Variants in CAMTA1 observed in about 807,000 individuals in gnomAD.
CAMTA1 encodes calmodulin-binding transcription activator 1.
A neutral mutation model predicts 170.9 loss-of-function variants in CAMTA1; 27 were observed. The ratio of observed to expected loss-of-function variants is 0.16; its 90% CI spans 0.12 to 0.22. The LOEUF (loss-of-function observed/expected upper bound fraction) is 0.22. Ranked by LOEUF, CAMTA1 falls within the 10% of genes least tolerant of loss-of-function variation. The probability of loss-of-function intolerance (pLI) is 1.00; values close to 1 mark genes in which losing one functional copy is unlikely to be tolerated. For missense variants in CAMTA1, 1,619 were observed against 2,217.2 expected (o/e 0.73, Z 5.42); for synonymous variants, 833 against 891.5 (o/e 0.93, Z 1.17).
Position 7,534,152 on chromosome 1 carries a change from A to G in CAMTA1, c.510+66251A>G, listed in dbSNP as rs1038910671. Among the ~76,000 whole-genome samples, 1 of 152,190 alleles carries G rather than the reference A, an allele frequency of 6.6e-6. No homozygotes were observed. The highest frequency in any genetic ancestry group is 1.5e-5 in the Non-Finnish European group (1 of 68,024). ...GCCCCTGGCAGCCTCATATCTGCCAATACAAAGCCATACATCTTGGTGTGT... is the reference window on the plus strand; with the variant it reads ...GCCCCTGGCAGCCTCATATCTGCCAGTACAAAGCCATACATCTTGGTGTGT... On this transcript the variant is annotated intron_variant, in intron 6 of 22. Coordinates refer to ENST00000303635, the MANE Select transcript of CAMTA1 (RefSeq NM_015215.4). The surrounding 1 kb of genome is among the most constrained non-coding windows in gnomAD (Gnocchi z 5.6).
chr1:7,185,768 A>G (rs1653127495), intron 4 of CAMTA1, among the ~76,000 whole-genome samples: 1 of 152,230 alleles, frequency 6.6e-6, no homozygotes, highest in East Asian at 1.9e-4. Flanking sequence ...CCTAATTATG[A>G]GGAAACATTT....
chr1:7,732,574 G>A lies in CAMTA1; in HGVS notation c.3041G>A (p.Ser1014Asn), dbSNP rs1284871591. The change falls in exon 12 of 23, where the codon AGC (serine) becomes AAC (asparagine). Residue 1014 changes from serine to asparagine, a missense_variant. This residue lies in a region of CAMTA1 where 143 missense variants were observed against 184.2 expected (regional missense o/e 0.78). Coordinates refer to ENST00000303635, the MANE Select transcript of CAMTA1 (RefSeq NM_015215.4). The surrounding 1 kb of genome is among the most constrained non-coding windows in gnomAD (Gnocchi z 4.1). ...GGCAGCAGTGGAGGCGGCAGCGGGA[G>A]CGGGAATGGAGGGAGCCAGGCACAG... ...GGGSSGGGSG[S>N]GNGGSQAQCA... 3 of 1,610,886 alleles carry A rather than the reference G, an allele frequency of 1.9e-6. No individual in the cohort carries two copies. Among genetic ancestry groups the A allele is most frequent in the East Asian group, 2.2e-5 (1 of 44,848 alleles).
At chr1:7,646,036 A>G (rs1187110417) in intron 7 of CAMTA1, among the ~76,000 whole-genome samples, 5 of 151,134 alleles carry the variant, frequency 3.3e-5, no homozygotes, top group African/African-American at 1.2e-4. Context: ...TAGTGAGTGC[A>G]GGTGAAGGCC....
At position 7,651,428 on chromosome 1, in the gene CAMTA1, C is replaced by T. The variant is rs187962681; in HGVS notation, c.665-10298C>T. Among the ~76,000 whole-genome samples, 195 of 152,302 alleles carry T rather than the reference C, an allele frequency of 1.3e-3. 1 individual carries two copies. The highest frequency in any genetic ancestry group is 4.1e-3 in the African/African-American group (171 of 41,544). ...GTGACCAAAGCTCCAGGTGGCCTTG[C>T]CCTGTCATCCTTCCAAGAGTTACTG... On this transcript the variant is annotated intron_variant, in intron 7 of 22. Coordinates refer to ENST00000303635, the MANE Select transcript of CAMTA1 (RefSeq NM_015215.4).
At chr1:7,202,866 A>G (rs182468792) in intron 4 of CAMTA1, among the ~76,000 whole-genome samples, 6 of 152,150 alleles carry the variant, frequency 3.9e-5, no homozygotes, top group Admixed American at 3.9e-4. Context: ...GAGGTCTTTT[A>G]CTTATGTTTC....
intron 5 of CAMTA1, among the ~76,000 whole-genome samples, chr1:7,397,316 C>A (rs1309690420): frequency 6.6e-6 from 1 of 151,988 alleles, no homozygotes; most frequent in Non-Finnish European, 1.5e-5. Flanking sequence ...CTTTGTATTT[C>A]TGTGGTATCA....
chr1:7,508,524 G>A (rs917149269), intron 6 of CAMTA1, among the ~76,000 whole-genome samples: 4 of 152,212 alleles, frequency 2.6e-5, no homozygotes, highest in African/African-American at 9.7e-5. Context: ...CGTGTTGACA[G>A]GTATGACCTC....
intron 6 of CAMTA1, among the ~76,000 whole-genome samples, chr1:7,469,525 C>G (rs570425159): frequency 6.6e-6 from 1 of 152,326 alleles, no homozygotes; most frequent in Non-Finnish European, 1.5e-5. Context: ...GCCTCCAGCC[C>G]CATGGGTCTG....
At chr1:7,378,285 G>C (rs2149045389) in intron 5 of CAMTA1, among the ~76,000 whole-genome samples, 1 of 152,336 alleles carries the variant, frequency 6.6e-6, no homozygotes, top group Admixed American at 6.5e-5. Flanking sequence ...TGCTCTGCCA[G>C]AGAGATCCTA....
rs575168812 is a variant in CAMTA1 at position 7,481,381 on chromosome 1, C to A, written c.510+13480C>A. ...TCTTTCTCTCCTCAAAGAGTCAGGT[C>A]CTTTCGTGCCTCAGGGCCTTTGCAC... On this transcript the variant is annotated intron_variant, in intron 6 of 22. Coordinates refer to ENST00000303635, the MANE Select transcript of CAMTA1 (RefSeq NM_015215.4). Among the ~76,000 whole-genome samples the A allele has an allele frequency of 3.9e-5, 6 of 152,346 alleles. No individual in the cohort carries two copies. In the East Asian group the frequency reaches 9.6e-4, roughly 24 times the overall value.
chr1:7,480,241 C>G (rs1315314384), intron 6 of CAMTA1, among the ~76,000 whole-genome samples: 2 of 97,864 alleles, frequency 2.0e-5, no homozygotes, highest in South Asian at 3.2e-4. Context: ...GTGCATGTGT[C>G]CGTGTGTGTG....
intron 5 of CAMTA1, among the ~76,000 whole-genome samples, chr1:7,353,511 C>T (rs957504611): frequency 7.3e-5 from 11 of 151,356 alleles, no homozygotes; most frequent in East Asian, 3.9e-4. Flanking sequence ...CTGCAACCTC[C>T]GCCTCCCAGG....
intron 3 of CAMTA1, among the ~76,000 whole-genome samples, chr1:6,901,357 G>A (rs890234160): frequency 2.0e-5 from 3 of 152,170 alleles, no homozygotes; most frequent in Non-Finnish European, 2.9e-5. Context: ...CACCAATTGT[G>A]CAATCCATAA....
At chr1:7,542,289 T>C (rs2094622108) in intron 6 of CAMTA1, among the ~76,000 whole-genome samples, 1 of 152,188 alleles carries the variant, frequency 6.6e-6, no homozygotes, top group Non-Finnish European at 1.5e-5. Context: ...TGTTTTTTGC[T>C]ATACTCATGC....
chr1:7,130,644 T>C (rs1461005960), intron 4 of CAMTA1, among the ~76,000 whole-genome samples: 1 of 152,222 alleles, frequency 6.6e-6, no homozygotes, highest in East Asian at 1.9e-4. Flanking sequence ...TATTTACTTA[T>C]TTAAAAATTT....
intron 3 of CAMTA1, among the ~76,000 whole-genome samples, chr1:6,836,847 G>A (rs911742844): frequency 2.6e-5 from 4 of 152,152 alleles, no homozygotes; most frequent in Non-Finnish European, 4.4e-5. Context: ...CTGTTCAGAG[G>A]GGCTGAGACA....
chr1:7,724,810 G>C (rs1394315533), intron 11 of CAMTA1, among the ~76,000 whole-genome samples: 1 of 133,398 alleles, frequency 7.5e-6, no homozygotes, highest in African/African-American at 2.8e-5. Flanking sequence ...GCAACAGAGC[G>C]AGACTCTCAA....
At chr1:7,719,475 A>G (rs2096635518) in intron 11 of CAMTA1, among the ~76,000 whole-genome samples, 1 of 152,258 alleles carries the variant, frequency 6.6e-6, no homozygotes, top group Non-Finnish European at 1.5e-5. Context: ...GATCAGGAAG[A>G]AGAAATATGG....
At chr1:7,078,381 T>C (rs1639588811) in intron 3 of CAMTA1, among the ~76,000 whole-genome samples, 1 of 151,974 alleles carries the variant, frequency 6.6e-6, no homozygotes, top group Admixed American at 6.6e-5. Context: ...TGAAGGAGGG[T>C]TGGTGTTAAG....
Sources: gnomAD v4.1 joint callset for allele counts (sites outside exome capture counted in the v4.1 genomes callset) on GRCh38, gnomAD v4.1.1 for gene constraint, gnomAD v4.1.1 regional missense constraint, Gnocchi (gnomAD v3.1) non-coding constraint, MANE v1.5 for transcripts, NCBI Gene and HGNC (gene_info 2026-07-23, HGNC 2026-07-21) for gene names.